RSPO2: variants seen among roughly 807,000 people sequenced by gnomAD.
RSPO2 encodes R-spondin-2.
Under a neutral mutation model 30.9 loss-of-function variants are expected in RSPO2, and 14 were observed. That is an observed-to-expected ratio of 0.45 (90% CI 0.30 to 0.71). The LOEUF is 0.71. Ranked by LOEUF, RSPO2 falls within the 30% of genes least tolerant of loss-of-function variation. The pLI is 0.08. For missense variants in RSPO2, 264 were observed against 301.9 expected (o/e 0.87, Z 0.93); for synonymous variants, 107 against 96.4 (o/e 1.11, Z -0.64).
intron 2 of RSPO2, among the ~76,000 whole-genome samples, chr8:108,032,693 T>C (rs958839260): frequency 7.9e-5 from 12 of 152,040 alleles, no homozygotes; most frequent in Non-Finnish European, 5.9e-5. Context: ...TACAGTAGTG[T>C]CATCATAGCT....
chr8:107,962,172 G>T (rs1351596845), intron 3 of RSPO2, among the ~76,000 whole-genome samples: 1 of 151,952 alleles, frequency 6.6e-6, no homozygotes, highest in Non-Finnish European at 1.5e-5. Flanking sequence ...ATTCAGAAAA[G>T]CTTTAAGACA....
At chr8:108,043,631 G>A (rs1159314) in intron 2 of RSPO2, among the ~76,000 whole-genome samples, 8,884 of 151,512 alleles carry the variant, frequency 0.059, 759 homozygotes, top group African/African-American at 0.19. Flanking sequence ...AGCACCTCTC[G>A]TCCTGAGGCA....
chr8:108,014,978 T>A (rs928467284), intron 2 of RSPO2, among the ~76,000 whole-genome samples: 2 of 151,730 alleles, frequency 1.3e-5, no homozygotes, highest in Non-Finnish European at 2.9e-5. Flanking sequence ...CTGGAAAAAC[T>A]AAGGGCCATA....
At chr8:108,004,872 T>A (rs550002486) in intron 2 of RSPO2, among the ~76,000 whole-genome samples, 1 of 152,298 alleles carries the variant, frequency 6.6e-6, no homozygotes, top group African/African-American at 2.4e-5. Context: ...TCAACCATAT[T>A]TGATATATTA....
At chr8:108,048,053 G>T (rs561049412) in intron 2 of RSPO2, among the ~76,000 whole-genome samples, 1 of 152,004 alleles carries the variant, frequency 6.6e-6, no homozygotes, top group South Asian at 2.1e-4. Flanking sequence ...ACTATGCCGC[G>T]TGCTTCTTAG....
At chr8:108,065,691 T>A (rs1204042573) in intron 2 of RSPO2, among the ~76,000 whole-genome samples, 1 of 150,404 alleles carries the variant, frequency 6.6e-6, no homozygotes, top group Non-Finnish European at 1.5e-5. Context: ...TACTGTCCCC[T>A]GCCCACAGAA....
At chr8:107,989,877 A>G (rs1479133094) in intron 2 of RSPO2, among the ~76,000 whole-genome samples, 1 of 152,246 alleles carries the variant, frequency 6.6e-6, no homozygotes, top group Non-Finnish European at 1.5e-5. Flanking sequence ...GATATTTTCT[A>G]CAATCCTGAG....
At chr8:107,999,846 C>A (rs1235105770) in intron 2 of RSPO2, among the ~76,000 whole-genome samples, 1 of 151,986 alleles carries the variant, frequency 6.6e-6, no homozygotes, top group Non-Finnish European at 1.5e-5. Context: ...ATTACCAGAA[C>A]TATTAGCCCT....
chr8:107,913,911 CTTA>C (rs779958738), intron 5 of RSPO2, among the ~76,000 whole-genome samples: 2 of 152,240 alleles, frequency 1.3e-5, no homozygotes, highest in Non-Finnish European at 2.9e-5. Flanking sequence ...CCAAGTATTG[CTTA>C]TTGTCATGCT....
intron 5 of RSPO2, among the ~76,000 whole-genome samples, chr8:107,922,836 G>A (rs554148730): frequency 7.2e-5 from 11 of 152,012 alleles, no homozygotes; most frequent in Non-Finnish European, 1.5e-4. Context: ...ACAAGCAATG[G>A]AGACAGAACT....
Position 108,017,966 on chromosome 8 carries a change from G to T in RSPO2, c.95-28722C>A, listed in dbSNP as rs1301733768. Reference sequence around the variant, plus strand: ...TTTCCTAATTGCTACCAAAATAAAAGCTTTCCTAAAATTTGAAGGCTCAGT... The same window carrying T: ...TTTCCTAATTGCTACCAAAATAAAATCTTTCCTAAAATTTGAAGGCTCAGT... On this transcript the variant is annotated intron_variant, in intron 2 of 5. Transcript: ENST00000276659. Among the ~76,000 whole-genome samples, 3 of 152,086 alleles carry T rather than the reference G, an allele frequency of 2.0e-5. No individual in the cohort carries two copies. In the East Asian group the frequency reaches 5.8e-4, roughly 29 times the overall value.
intron 2 of RSPO2, among the ~76,000 whole-genome samples, chr8:108,058,028 G>A (rs1812312297): frequency 6.6e-6 from 1 of 152,140 alleles, no homozygotes. Context: ...TAGGAGTGGT[G>A]AGAGAGGGCA....
Position 107,930,889 on chromosome 8 carries a change from G to A in RSPO2, c.616+27191C>T, listed in dbSNP as rs568760497. ...ATCCCATGACCATATAATATGGTTC[G>A]AATCCTTACTTAACTGACTTGCTAA... On this transcript the variant is annotated intron_variant, in intron 5 of 5. Transcript: ENST00000276659. 4.6e-5 allele frequency among the ~76,000 whole-genome samples: 7 copies of A among 152,202 alleles called. No homozygotes were observed. The South Asian group carries it at 1.2e-3, about 27-fold the overall frequency.
intron 2 of RSPO2, among the ~76,000 whole-genome samples, chr8:108,029,231 G>C (rs2514836): frequency 0.21 from 31,822 of 151,578 alleles, 3,515 homozygotes; most frequent in Non-Finnish European, 0.25. Flanking sequence ...GTTTGTGTCT[G>C]CTTTTGCACT....
At chr8:107,908,090 CT>C (rs1429265809) in intron 5 of RSPO2, among the ~76,000 whole-genome samples, 1 of 152,136 alleles carries the variant, frequency 6.6e-6, no homozygotes, top group African/African-American at 2.4e-5. Context: ...TATAAATGAA[CT>C]GTATTTACCA....
chr8:107,990,845 C>T (rs112397271), intron 2 of RSPO2, among the ~76,000 whole-genome samples: 3,259 of 152,228 alleles, frequency 0.021, 67 homozygotes, highest in Non-Finnish European at 0.025. Flanking sequence ...GGTACTGATA[C>T]AAGAACAGAC....
chr8:108,063,246 C>T (rs1292214929), intron 2 of RSPO2, among the ~76,000 whole-genome samples: 1 of 151,654 alleles, frequency 6.6e-6, no homozygotes, highest in Non-Finnish European at 1.5e-5. Flanking sequence ...CAATTGTCCC[C>T]GTTTGAAGAT....
chr8:108,065,459 T>C (rs1021463706), intron 2 of RSPO2, among the ~76,000 whole-genome samples: 1 of 152,086 alleles, frequency 6.6e-6, no homozygotes, highest in Non-Finnish European at 1.5e-5. Flanking sequence ...ATCCTCTCAA[T>C]AGGCATTCGT....
intron 4 of RSPO2, among the ~76,000 whole-genome samples, chr8:107,960,465 G>C (rs1813590779): frequency 6.6e-6 from 1 of 151,996 alleles, no homozygotes. Flanking sequence ...GATTAACCTA[G>C]CAAATGCACA....
Sources: allele counts gnomAD v4.1 joint callset (sites outside exome capture counted in the v4.1 genomes callset), GRCh38; gene constraint gnomAD v4.1.1; transcripts MANE v1.5; gene names NCBI Gene and HGNC (gene_info 2026-07-23, HGNC 2026-07-21).